Variants in RALGPS2 observed in about 807,000 individuals in gnomAD.
The protein encoded by RALGPS2 is Ral GEF with PH domain and SH3 binding motif 2, also known as ras-specific guanine nucleotide-releasing factor RalGPS2.
RALGPS2 carries 43 observed loss-of-function variants against 86.8 expected under a neutral mutation model. The observed-to-expected ratio is 0.50, with a 90% CI of 0.39 to 0.64. The LOEUF (loss-of-function observed/expected upper bound fraction) is 0.64, where lower values mean the gene tolerates loss of function less well. Among genes scored for constraint, RALGPS2 ranks in the 30% least tolerant of loss-of-function variants. The pLI is 0.00. For missense variants in RALGPS2, 536 were observed against 694.6 expected, an observed-to-expected ratio of 0.77 and a Z score of 2.57; for synonymous variants, 243 against 231.3, an observed-to-expected ratio of 1.05 and a Z score of -0.46.
chr1:178,784,445 G>T lies in RALGPS2; in HGVS notation c.85G>T (p.Asp29Tyr). ...EKSSSSESLSDKGSELKKSFD... is the reference protein window; with the variant it reads ...EKSSSSESLSYKGSELKKSFD... ...AAGTAGCAGCTCTGAATCCTTAAGT[G>T]ACAAAGGCTCTGAATTGAAGAAAAG... Residue 29 changes from aspartate to tyrosine, a missense_variant, in exon 3 of 20, where the codon GAC becomes TAC. Around this residue, in one of 3 missense-constraint regions of RALGPS2, gnomAD observed 43 missense variants for 34.9 expected, o/e 1.23. Coordinates refer to ENST00000367635, the MANE Select transcript of RALGPS2 (RefSeq NM_152663.5). The T allele has an allele frequency of 6.2e-7, 1 of 1,605,000 alleles. No individual in the cohort carries two copies. The highest frequency in any genetic ancestry group is 1.1e-5 in the South Asian group (1 of 89,268).
chr1:178,736,894 T>C (rs1650743280), intron 1 of RALGPS2, among the ~76,000 whole-genome samples: 1 of 152,122 alleles, frequency 6.6e-6, no homozygotes, highest in South Asian at 2.1e-4. Flanking sequence ...GACACCCCTG[T>C]CTTAAAAAAC....
At chr1:178,810,842 G>T (rs1258499025) in intron 5 of RALGPS2, among the ~76,000 whole-genome samples, 2 of 151,862 alleles carry the variant, frequency 1.3e-5, no homozygotes, top group Non-Finnish European at 2.9e-5. Flanking sequence ...AACTTACAGT[G>T]CTTTGACTTT....
chr1:178,852,111 C>G (rs1657211525), intron 8 of RALGPS2, among the ~76,000 whole-genome samples: 4 of 152,152 alleles, frequency 2.6e-5, no homozygotes, highest in Admixed American at 2.6e-4. Context: ...CACCATGTAT[C>G]CAAATGGCTT....
At chr1:178,900,531 T>C (rs767523956) in intron 17 of RALGPS2, among the ~76,000 whole-genome samples, 1 of 151,932 alleles carries the variant, frequency 6.6e-6, no homozygotes, top group Non-Finnish European at 1.5e-5. Context: ...AACCAGAAAT[T>C]CCTCATCTGA....
chr1:178,747,840 A>G (rs1651425388), intron 1 of RALGPS2: 1 of 604,210 alleles, frequency 1.7e-6, no homozygotes, highest in Admixed American at 2.9e-5. Context: ...CCTATATTAC[A>G]TTAATCATAA....
intron 8 of RALGPS2, among the ~76,000 whole-genome samples, chr1:178,876,545 T>G (rs958873075): frequency 6.6e-6 from 1 of 152,190 alleles, no homozygotes; most frequent in Admixed American, 6.5e-5. Context: ...TAGGCAGAGA[T>G]AAGTCCAGAA....
chr1:178,791,658 C>G lies in RALGPS2; in HGVS notation c.213+6051C>G, dbSNP rs187790452. Among the ~76,000 whole-genome samples the G allele has an allele frequency of 1.9e-4, 29 of 152,248 alleles. 1 individual carries two copies. The East Asian group carries it at 5.4e-3, about 28-fold the overall frequency. ...TTACGTATAATATATATCTCCCACTCCTGATTTAATTTCCTAAGTAGGACC... is the reference window on the plus strand; with the variant it reads ...TTACGTATAATATATATCTCCCACTGCTGATTTAATTTCCTAAGTAGGACC... On this transcript the variant is annotated intron_variant, in intron 4 of 19. Transcript: ENST00000367635.
In RALGPS2 at chr1:178,826,865, A is replaced by C. The variant is rs1004580927; in HGVS notation, c.480+5161A>C. On this transcript the variant is annotated intron_variant, in intron 7 of 19. Transcript: ENST00000367635. ...AAAATGTGTAAGACCTATATGCAGA[A>C]AGTTATAAAACTTTACAGGAAGTCA... 5.3e-5 allele frequency among the ~76,000 whole-genome samples: 8 copies of C among 152,230 alleles called. 1 individual carries two copies. The highest frequency in any genetic ancestry group is 5.2e-4 in the Admixed American group (8 of 15,290).
At chr1:178,858,227 A>G (rs1040747138) in intron 8 of RALGPS2, among the ~76,000 whole-genome samples, 1 of 152,146 alleles carries the variant, frequency 6.6e-6, no homozygotes, top group African/African-American at 2.4e-5. Flanking sequence ...TCCAGTGTAT[A>G]TTGTTGATCC....
chr1:178,852,884 C>A, intron 8 of RALGPS2: 1 of 1,613,764 alleles, frequency 6.2e-7, no homozygotes, highest in Non-Finnish European at 8.5e-7. Context: ...TTGTAATTAT[C>A]TTGATTGCTA....
At chr1:178,893,059 G>A (rs942032902) in intron 15 of RALGPS2, among the ~76,000 whole-genome samples, 5 of 151,994 alleles carry the variant, frequency 3.3e-5, no homozygotes, top group African/African-American at 1.2e-4. Flanking sequence ...TAATCACAAA[G>A]GAATAAACTG....
intron 19 of RALGPS2, among the ~76,000 whole-genome samples, chr1:178,908,133 T>G (rs937577255): frequency 6.6e-6 from 1 of 152,216 alleles, no homozygotes. Flanking sequence ...TTCCCATCTT[T>G]GTGTCTAGGT....
chr1:178,730,698 T>G (rs76748959), intron 1 of RALGPS2, among the ~76,000 whole-genome samples: 6,181 of 151,834 alleles, frequency 0.041, 171 homozygotes, highest in African/African-American at 0.071. Context: ...AATTCTGTTT[T>G]TTTTTTTGTT....
intron 8 of RALGPS2, among the ~76,000 whole-genome samples, chr1:178,839,210 C>T (rs111773481): frequency 0.1 from 15,189 of 152,012 alleles, 1,715 homozygotes; most frequent in African/African-American, 0.28. Context: ...CACATAATTG[C>T]CAGATTCACC....
At chr1:178,877,205 T>C (rs370582268) in intron 8 of RALGPS2, among the ~76,000 whole-genome samples, 1 of 152,118 alleles carries the variant, frequency 6.6e-6, no homozygotes, top group Non-Finnish European at 1.5e-5. Flanking sequence ...AATTCCCATA[T>C]GTGCTGGAGT....
In RALGPS2 at chr1:178,725,350, G is replaced by GGCC. The variant is rs1649905459; in HGVS notation, c.-151_-149dup. The GGCC allele has an allele frequency of 1.3e-5, 2 of 155,972 alleles. No homozygotes were observed. Among genetic ancestry groups the GGCC allele is most frequent in the Admixed American group, 1.3e-4 (2 of 15,210 alleles). 9.7% of individuals were successfully genotyped at this position (155,972 alleles called of 1,614,324 possible). On this transcript the variant is annotated 5_prime_UTR_variant, in exon 1 of 20. Transcript: ENST00000367635. ...GACGAGTGCTACTCTAGGCGGCGGC[G>GGCC]GCCGTGGCGGTGAAGCGTGAGGCCG...
intron 1 of RALGPS2, among the ~76,000 whole-genome samples, chr1:178,744,817 CAAAAA>C (rs148175568): frequency 1.5e-5 from 1 of 66,026 alleles, no homozygotes; most frequent in Non-Finnish European, 3.4e-5. Flanking sequence ...GACTCCATCT[CAAAAA>C]AAAAAAAAAA....
At chr1:178,803,615 A>G (rs1366027968) in intron 4 of RALGPS2, among the ~76,000 whole-genome samples, 2 of 152,146 alleles carry the variant, frequency 1.3e-5, no homozygotes, top group Admixed American at 6.6e-5. Flanking sequence ...TTACAGGGAG[A>G]TAATATAAAA....
intron 8 of RALGPS2, among the ~76,000 whole-genome samples, chr1:178,869,502 C>T (rs548909117): frequency 1.2e-4 from 19 of 152,088 alleles, no homozygotes; most frequent in Admixed American, 7.9e-4. Context: ...CTTAAGACAG[C>T]GTCAGTAAGA....
Sources: allele counts gnomAD v4.1 joint callset (sites outside exome capture counted in the v4.1 genomes callset), GRCh38; gene constraint gnomAD v4.1.1; regional missense constraint gnomAD v4.1.1; transcripts MANE v1.5; gene names NCBI Gene and HGNC (gene_info 2026-07-23, HGNC 2026-07-21).